UBE2F: variants seen among roughly 807,000 people sequenced by gnomAD.
The protein encoded by UBE2F is ubiquitin conjugating enzyme E2 F (putative).
UBE2F carries 5 observed loss-of-function variants against 29.6 expected under a neutral mutation model. The observed-to-expected ratio is 0.17, with a 90% CI of 0.09 to 0.36. UBE2F has a LOEUF of 0.36. UBE2F is among the 10% of genes least tolerant of loss of function. The probability of loss-of-function intolerance (pLI) is 1.00; values close to 1 mark genes in which losing one functional copy is unlikely to be tolerated. For missense variants in UBE2F, 141 were observed against 228.5 expected (o/e 0.62, Z 2.47); for synonymous variants, 66 against 81.8 (o/e 0.81, Z 1.04).
chr2:238,016,716 T>C (rs977619162), intron 5 of UBE2F, 83 bp downstream of exon 5: 3 of 1,181,160 alleles, frequency 2.5e-6, no homozygotes, highest in Non-Finnish European at 3.7e-6. Context: ...CACAGGGCCC[T>C]AGCACTCCCC....
intron 5 of UBE2F, among the ~76,000 whole-genome samples, chr2:238,021,494 C>T (rs2064291306): frequency 6.6e-6 from 1 of 152,188 alleles, no homozygotes; most frequent in Non-Finnish European, 1.5e-5. Context: ...ACCAATGGGG[C>T]GATGCTACAC....
chr2:238,035,860 A>C lies in UBE2F; in HGVS notation c.445-18A>C. ...AGCAGTTCTCCCAATGTTTACTTTAAGTTTCTCTCTTTTTAAGGATCTTTT... is the reference window on the plus strand; with the variant it reads ...AGCAGTTCTCCCAATGTTTACTTTACGTTTCTCTCTTTTTAAGGATCTTTT... On this transcript the variant is annotated intron_variant, in intron 8 of 9. Coordinates refer to ENST00000272930, the MANE Select transcript of UBE2F (RefSeq NM_080678.3). 17 of 1,603,630 alleles carry C rather than the reference A, an allele frequency of 1.1e-5. No individual in the cohort carries two copies. The highest frequency in any genetic ancestry group is 1.4e-5 in the Non-Finnish European group (16 of 1,172,480).
At chr2:237,991,609 C>T (rs9678684) in intron 3 of UBE2F, among the ~76,000 whole-genome samples, 57 of 52,964 alleles carry the variant, frequency 1.1e-3, no homozygotes, top group Admixed American at 2.1e-3. Context: ...TTCTTTCTTT[C>T]TTTTTTTTTT....
chr2:238,012,062 T>C (rs996146692), intron 4 of UBE2F, among the ~76,000 whole-genome samples: 24 of 150,384 alleles, frequency 1.6e-4, no homozygotes, highest in African/African-American at 5.1e-4. Context: ...TTTTTTTTTT[T>C]CTGTGGAGAT....
At chr2:238,038,670 G>A (rs918483165) in intron 9 of UBE2F, among the ~76,000 whole-genome samples, 2 of 152,160 alleles carry the variant, frequency 1.3e-5, no homozygotes, top group Non-Finnish European at 2.9e-5. Context: ...TTTGCAACTG[G>A]TACACTTTTA....
At chr2:238,025,036 G>T (rs1221437828) in intron 5 of UBE2F, among the ~76,000 whole-genome samples, 1 of 152,210 alleles carries the variant, frequency 6.6e-6, no homozygotes, top group Non-Finnish European at 1.5e-5. Flanking sequence ...GGTGTGGGAG[G>T]TGACAGAGGT....
At chr2:238,030,451 TA>T in intron 6 of UBE2F, 104 bp from the exon 7 acceptor site, 2 of 764,162 alleles carry the variant, frequency 2.6e-6, no homozygotes, top group Admixed American at 2.4e-5. Flanking sequence ...ATGGGTTTAA[TA>T]AAAAGTAGAG....
At chr2:238,015,378 G>A (rs2064128713) in intron 4 of UBE2F, among the ~76,000 whole-genome samples, 1 of 152,120 alleles carries the variant, frequency 6.6e-6, no homozygotes, top group Non-Finnish European at 1.5e-5. Flanking sequence ...TCAGAACATT[G>A]ATCATTCAGT....
At chr2:237,988,499 C>G (rs2063524803) in intron 3 of UBE2F, among the ~76,000 whole-genome samples, 1 of 151,800 alleles carries the variant, frequency 6.6e-6, no homozygotes, top group Non-Finnish European at 1.5e-5. Flanking sequence ...CACTGTAGCC[C>G]CAGCTACTCG....
At chr2:238,036,699 G>A (rs898643889) in intron 9 of UBE2F, among the ~76,000 whole-genome samples, 2 of 152,144 alleles carry the variant, frequency 1.3e-5, no homozygotes, top group South Asian at 2.1e-4. Flanking sequence ...GGTGGCACAC[G>A]CCTGTGGTCC....
chr2:238,010,537 A>G (rs774494585), intron 4 of UBE2F, among the ~76,000 whole-genome samples: 7 of 152,170 alleles, frequency 4.6e-5, no homozygotes, highest in Non-Finnish European at 8.8e-5. Flanking sequence ...TTGCTTTTGA[A>G]CGATTGTTGC....
chr2:238,030,882 A>G (rs574328009), intron 7 of UBE2F, among the ~76,000 whole-genome samples: 233 of 152,366 alleles, frequency 1.5e-3, no homozygotes, highest in African/African-American at 5.1e-3. Context: ...CTTCACAGCC[A>G]AACCACCCGC....
intron 5 of UBE2F, among the ~76,000 whole-genome samples, chr2:238,021,834 G>A (rs2064301581): frequency 6.6e-6 from 1 of 152,176 alleles, no homozygotes; most frequent in Admixed American, 6.5e-5. Context: ...TGGTCTGTAG[G>A]CTGTGGTCTG....
chr2:238,001,819 CAACAAAA>C (rs1037210261), intron 4 of UBE2F, among the ~76,000 whole-genome samples: 24 of 151,458 alleles, frequency 1.6e-4, no homozygotes, highest in African/African-American at 4.8e-4. Context: ...GACTCCGTCT[CAACAAAA>C]AACAAAAAAC....
At chr2:237,981,685 G>A (rs2063379963) in intron 2 of UBE2F, among the ~76,000 whole-genome samples, 1 of 133,260 alleles carries the variant, frequency 7.5e-6, no homozygotes, top group Non-Finnish European at 1.5e-5. Context: ...GGAGTGCAGT[G>A]GTACGATCTC....
Position 237,999,740 on chromosome 2 carries a change from G to A in UBE2F, c.214+4931G>A, listed in dbSNP as rs573934774. ...TTGGTCTGTGTTTACCCTTAGGCCC[G>A]TACCACACTGTTTTAATTGTCGTAG... On this transcript the variant is annotated intron_variant, in intron 4 of 9. Transcript: ENST00000272930. Among the ~76,000 whole-genome samples the A allele has an allele frequency of 5.4e-4, 82 of 151,764 alleles. 2 individuals are homozygous for A. Among genetic ancestry groups the A allele is most frequent in the African/African-American group, 1.9e-3 (77 of 41,374 alleles).
intron 2 of UBE2F, among the ~76,000 whole-genome samples, chr2:237,986,748 A>G (rs1481194436): frequency 6.6e-6 from 1 of 152,166 alleles, no homozygotes; most frequent in African/African-American, 2.4e-5. Context: ...CAGTTTTCCC[A>G]ACACCATTTA....
intron 6 of UBE2F, among the ~76,000 whole-genome samples, chr2:238,026,184 A>G (rs998249090): frequency 6.6e-5 from 10 of 152,170 alleles, no homozygotes; most frequent in South Asian, 2.1e-4. Flanking sequence ...TGCCCGGGGC[A>G]GCTGTGGGAC....
At chr2:238,016,859 G>T (rs1448074294) in intron 5 of UBE2F, among the ~76,000 whole-genome samples, 1 of 152,156 alleles carries the variant, frequency 6.6e-6, no homozygotes, top group Non-Finnish European at 1.5e-5. Flanking sequence ...TATGTGCCAG[G>T]CAGCCTGCCT....
Sources: allele counts gnomAD v4.1 joint callset (sites outside exome capture counted in the v4.1 genomes callset), GRCh38; gene constraint gnomAD v4.1.1; transcripts MANE v1.5; gene names NCBI Gene and HGNC (gene_info 2026-07-23, HGNC 2026-07-21).